The following LUZP2 variants were observed in gnomAD, a reference collection of about 807,000 sequenced individuals.
LUZP2 encodes the protein leucine zipper protein 2.
LUZP2 carries 52 observed loss-of-function variants against 51.6 expected under a neutral mutation model. The observed-to-expected ratio is 1.01, with a 90% CI of 0.81 to 1.27. LUZP2 has a LOEUF of 1.27. Among genes scored for constraint, LUZP2 ranks in the 50% most tolerant of loss-of-function variants. The pLI is 0.00. For missense variants in LUZP2, 436 were observed against 395.4 expected (o/e 1.10, Z -0.87); for synonymous variants, 154 against 137.3 (o/e 1.12, Z -0.85).
chr11:24,979,621 A>G (rs1423232514), intron 8 of LUZP2, among the ~76,000 whole-genome samples: 2 of 151,864 alleles, frequency 1.3e-5, no homozygotes, highest in African/African-American at 4.8e-5. Context: ...AACAATAATA[A>G]TATCAAGAGC....
At chr11:24,513,752 T>A (rs1022941661) in intron 1 of LUZP2, among the ~76,000 whole-genome samples, 1 of 152,138 alleles carries the variant, frequency 6.6e-6, no homozygotes, top group African/African-American at 2.4e-5. Flanking sequence ...TACCAAACAA[T>A]CACTAAATGC....
At chr11:24,766,955 C>T (rs7952645) in intron 5 of LUZP2, among the ~76,000 whole-genome samples, 12,206 of 152,048 alleles carry the variant, frequency 0.08, 1,067 homozygotes, top group African/African-American at 0.22. Context: ...AGAGATGGGG[C>T]ATCACCGTGT....
At chr11:24,598,682 GCATATTATTATGC>G (rs1853524912) in intron 1 of LUZP2, among the ~76,000 whole-genome samples, 1 of 152,060 alleles carries the variant, frequency 6.6e-6, no homozygotes, top group African/African-American at 2.4e-5. Context: ...TGACTCCAAG[GCATATTATTATGC>G]CATCTTCAAA....
chr11:24,698,192 G>A (rs894109135), intron 1 of LUZP2, among the ~76,000 whole-genome samples: 2 of 152,138 alleles, frequency 1.3e-5, no homozygotes, highest in South Asian at 4.1e-4. Flanking sequence ...CTGTGCAGTA[G>A]GCAAGAAGAA....
At chr11:24,539,310 G>A (rs755878407) in intron 1 of LUZP2, among the ~76,000 whole-genome samples, 2 of 151,718 alleles carry the variant, frequency 1.3e-5, no homozygotes, top group African/African-American at 2.4e-5. Context: ...ATAAGTCCTC[G>A]TTGCCACAGA....
intron 9 of LUZP2, among the ~76,000 whole-genome samples, chr11:24,998,955 G>A (rs1856592903): frequency 6.6e-6 from 1 of 151,868 alleles, no homozygotes; most frequent in African/African-American, 2.4e-5. Flanking sequence ...TGTGAAATTT[G>A]CTGTCTGTTA....
intron 3 of LUZP2, among the ~76,000 whole-genome samples, chr11:24,734,909 T>C (rs1046702901): frequency 2.0e-5 from 3 of 151,870 alleles, no homozygotes; most frequent in African/African-American, 7.2e-5. Flanking sequence ...CAGATCCTTG[T>C]CATCTGGCTT....
chr11:24,939,163 ATTTCACTAGCTTCCTAGTAT>A (rs1326071503), intron 7 of LUZP2, among the ~76,000 whole-genome samples: 1 of 152,032 alleles, frequency 6.6e-6, no homozygotes, highest in Non-Finnish European at 1.5e-5. Flanking sequence ...TCTTTTAGTC[ATTTCACTAGCTTCCTAGTAT>A]TTCCAATAGA....
intron 5 of LUZP2, among the ~76,000 whole-genome samples, chr11:24,843,738 G>A (rs1007098670): frequency 2.0e-5 from 3 of 152,140 alleles, no homozygotes; most frequent in Non-Finnish European, 4.4e-5. Flanking sequence ...GGTGCCTGGT[G>A]AGAGGTGATT....
chr11:25,054,958 T>TG (rs397789087), intron 10 of LUZP2, among the ~76,000 whole-genome samples: 3 of 151,480 alleles, frequency 2.0e-5, no homozygotes, highest in African/African-American at 7.3e-5. Context: ...TGTTTTTTTT[T>TG]CAATCCATAA....
intron 1 of LUZP2, among the ~76,000 whole-genome samples, chr11:24,658,489 C>A (rs1418190213): frequency 2.0e-5 from 3 of 152,218 alleles, no homozygotes; most frequent in Middle Eastern, 3.4e-3. Context: ...AAAACCTAGG[C>A]AATACCATTC....
At chr11:24,812,647 G>T (rs1396263803) in intron 5 of LUZP2, among the ~76,000 whole-genome samples, 1 of 152,188 alleles carries the variant, frequency 6.6e-6, no homozygotes, top group African/African-American at 2.4e-5. Context: ...GACAAAAATA[G>T]ATTCTTCCTG....
chr11:24,677,320 A>G (rs12574669), intron 1 of LUZP2, among the ~76,000 whole-genome samples: 28,302 of 152,134 alleles, frequency 0.19, 2,729 homozygotes, highest in East Asian at 0.33. Context: ...ATTATGAAAC[A>G]ATAATAAAGT....
chr11:24,880,862 G>C (rs1438643325), intron 5 of LUZP2, among the ~76,000 whole-genome samples: 1 of 151,962 alleles, frequency 6.6e-6, no homozygotes, highest in East Asian at 1.9e-4. Flanking sequence ...TATTTATTTT[G>C]TTTTCTTTTT....
At chr11:24,560,969 G>T (rs1362600437) in intron 1 of LUZP2, among the ~76,000 whole-genome samples, 2 of 151,792 alleles carry the variant, frequency 1.3e-5, no homozygotes, top group Non-Finnish European at 2.9e-5. Flanking sequence ...GTGTAGACTT[G>T]GGATATGAGC....
chr11:24,786,145 T>G, intron 5 of LUZP2: 1 of 985,254 alleles, frequency 1.0e-6, no homozygotes, highest in Non-Finnish European at 1.2e-6. Context: ...TATGAAGGCG[T>G]TGTAAAATAT....
At chr11:24,575,500 A>T (rs1852614072) in intron 1 of LUZP2, among the ~76,000 whole-genome samples, 2 of 152,192 alleles carry the variant, frequency 1.3e-5, no homozygotes, top group Non-Finnish European at 2.9e-5. Context: ...ATCAGCATAG[A>T]TTTAGAATGA....
chr11:24,796,480 G>C (rs1849547422), intron 5 of LUZP2, among the ~76,000 whole-genome samples: 1 of 130,148 alleles, frequency 7.7e-6, no homozygotes, highest in African/African-American at 2.8e-5. Flanking sequence ...ATTTTGTATG[G>C]TAATAATAAT....
chr11:24,552,408 G>A (rs1159567092), intron 1 of LUZP2, among the ~76,000 whole-genome samples: 1 of 151,802 alleles, frequency 6.6e-6, no homozygotes, highest in African/African-American at 2.4e-5. Context: ...CATTAAATAA[G>A]CAAATATATA....
Sources: allele counts gnomAD v4.1 joint callset (sites outside exome capture counted in the v4.1 genomes callset), GRCh38; gene constraint gnomAD v4.1.1; transcripts MANE v1.5; gene names NCBI Gene and HGNC (gene_info 2026-07-23, HGNC 2026-07-21).